NCKAP5: variants seen among roughly 807,000 people sequenced by gnomAD.
The protein encoded by NCKAP5 is NCK associated protein 5.
In NCKAP5, 92 loss-of-function variants were observed where a neutral mutation model predicts 167.0. That is an observed-to-expected ratio of 0.55 (90% confidence interval 0.47 to 0.66). NCKAP5 has a LOEUF of 0.66. Ranked by LOEUF, NCKAP5 falls within the 30% of genes least tolerant of loss-of-function variation. The pLI is 0.00. For synonymous variants in NCKAP5, 891 were observed against 877.4 expected, an observed-to-expected ratio of 1.02 and a Z score of -0.27; for missense variants, 2,378 against 2,315.0, an observed-to-expected ratio of 1.03 and a Z score of -0.56.
intron 11 of NCKAP5, among the ~76,000 whole-genome samples, chr2:132,825,463 C>A (rs1022318776): frequency 4.6e-5 from 7 of 152,136 alleles, no homozygotes; most frequent in African/African-American, 9.7e-5. Flanking sequence ...TTCAGTTACA[C>A]TGAGTGTCTG....
intron 2 of NCKAP5, among the ~76,000 whole-genome samples, chr2:133,541,096 AT>A (rs1200280152): frequency 6.6e-6 from 1 of 151,120 alleles, no homozygotes; most frequent in East Asian, 1.9e-4. Flanking sequence ...AGACATTAAA[AT>A]TAATATGCAT....
Position 133,050,225 on chromosome 2 carries a change from T to C in NCKAP5, c.342-55986A>G, listed in dbSNP as rs148561217. On this transcript the variant is annotated intron_variant, in intron 6 of 19. Transcript: ENST00000409261. ...CCAGGATTCCCCAAAACACTTGGCA[T>C]AGTCTTAGTTACAAAACCAGGGCTC... Among the ~76,000 whole-genome samples, 14 of 152,262 alleles carry C rather than the reference T, an allele frequency of 9.2e-5. 1 individual carries two copies. The East Asian group carries it at 2.5e-3, about 27-fold the overall frequency.
chr2:133,381,997 A>G (rs912439269), intron 3 of NCKAP5, among the ~76,000 whole-genome samples: 4 of 152,212 alleles, frequency 2.6e-5, no homozygotes, highest in Admixed American at 6.5e-5. Flanking sequence ...GATCTCCCCA[A>G]GGTATTCCAA....
chr2:133,602,797 AC>A, the NCKAP5 span, among the ~76,000 whole-genome samples: 2 of 152,216 alleles, frequency 1.3e-5, no homozygotes, highest in African/African-American at 4.8e-5. Flanking sequence ...AGGGAAGTTA[AC>A]CCAGTCTTGC....
intron 5 of NCKAP5, among the ~76,000 whole-genome samples, chr2:133,167,358 A>C (rs1323877627): frequency 6.6e-6 from 1 of 152,238 alleles, no homozygotes; most frequent in Non-Finnish European, 1.5e-5. Flanking sequence ...GCCATCATTA[A>C]GAATAATCCC....
chr2:133,120,198 A>G (rs887660843), intron 6 of NCKAP5, among the ~76,000 whole-genome samples: 2 of 152,224 alleles, frequency 1.3e-5, no homozygotes, highest in Non-Finnish European at 2.9e-5. Context: ...AATGAAAACT[A>G]CAACACATTT....
chr2:133,652,479 C>T, the NCKAP5 span, among the ~76,000 whole-genome samples: 16 of 152,324 alleles, frequency 1.1e-4, no homozygotes, highest in East Asian at 1.2e-3. Context: ...AACGTATTGA[C>T]GGAGAATTCA....
intron 3 of NCKAP5, among the ~76,000 whole-genome samples, chr2:133,475,952 C>T (rs762157173): frequency 4.6e-5 from 7 of 152,236 alleles, no homozygotes; most frequent in Middle Eastern, 6.8e-3. Flanking sequence ...TCCAAAGAAA[C>T]CCAACAAAAA....
At chr2:132,737,842 T>G (rs985399297) in intron 16 of NCKAP5, among the ~76,000 whole-genome samples, 1 of 152,212 alleles carries the variant, frequency 6.6e-6, no homozygotes, top group Non-Finnish European at 1.5e-5. Context: ...TAACTGGATT[T>G]GATTCATCTC....
At chr2:133,653,757 G>A in the NCKAP5 span, among the ~76,000 whole-genome samples, 43 of 152,288 alleles carry the variant, frequency 2.8e-4, no homozygotes, top group East Asian at 3.5e-3. Context: ...CACGGGCAGC[G>A]CCTGTGTTTA....
chr2:133,137,594 T>A (rs1364935900), intron 5 of NCKAP5, among the ~76,000 whole-genome samples: 4 of 152,046 alleles, frequency 2.6e-5, no homozygotes, highest in Admixed American at 2.6e-4. Context: ...AGACAGGAGC[T>A]CTATAACAGA....
At chr2:133,391,668 A>G (rs1034157553) in intron 3 of NCKAP5, among the ~76,000 whole-genome samples, 4 of 152,008 alleles carry the variant, frequency 2.6e-5, no homozygotes, top group South Asian at 2.1e-4. Flanking sequence ...TGTGTCCAAA[A>G]CATTGTGTCC....
intron 6 of NCKAP5, among the ~76,000 whole-genome samples, chr2:133,100,850 T>A (rs1163046622): frequency 6.6e-6 from 1 of 152,222 alleles, no homozygotes; most frequent in African/African-American, 2.4e-5. Flanking sequence ...TAAAATATTT[T>A]GTTGACGTTT....
At chr2:132,968,848 T>C (rs1228834529) in intron 7 of NCKAP5, among the ~76,000 whole-genome samples, 1 of 152,014 alleles carries the variant, frequency 6.6e-6, no homozygotes, top group Non-Finnish European at 1.5e-5. Context: ...TGGAGGCAAG[T>C]GGAAACCTTT....
At chr2:133,448,671 C>T (rs979222855) in intron 3 of NCKAP5, among the ~76,000 whole-genome samples, 1 of 152,078 alleles carries the variant, frequency 6.6e-6, no homozygotes, top group African/African-American at 2.4e-5. Flanking sequence ...AAAACAGGGT[C>T]TCACTGTTGC....
upstream of NCKAP5, among the ~76,000 whole-genome samples, chr2:133,571,148 G>A (rs537500219): frequency 2.7e-4 from 41 of 152,004 alleles, no homozygotes; most frequent in South Asian, 7.5e-3. Context: ...GATATCTTAC[G>A]TCTATAATCG....
At chr2:133,022,615 G>A (rs776859642) in intron 6 of NCKAP5, among the ~76,000 whole-genome samples, 4 of 152,136 alleles carry the variant, frequency 2.6e-5, no homozygotes, top group East Asian at 1.9e-4. Context: ...CCTGTTCTTC[G>A]GAGTGTCCAT....
intron 4 of NCKAP5, among the ~76,000 whole-genome samples, chr2:133,299,153 G>A (rs1680175447): frequency 6.6e-6 from 1 of 152,116 alleles, no homozygotes; most frequent in Admixed American, 6.6e-5. Context: ...TATAGAAATA[G>A]AATATTCTCT....
chr2:132,886,391 A>G (rs1246649587), intron 8 of NCKAP5, among the ~76,000 whole-genome samples: 1 of 152,248 alleles, frequency 6.6e-6, no homozygotes, highest in Non-Finnish European at 1.5e-5. Flanking sequence ...TCCTAAAAAT[A>G]CATTTTCTAT....
Sources: gnomAD v4.1 joint callset for allele counts (sites outside exome capture counted in the v4.1 genomes callset) on GRCh38, gnomAD v4.1.1 for gene constraint, MANE v1.5 for transcripts, NCBI Gene and HGNC (gene_info 2026-07-23, HGNC 2026-07-21) for gene names.